Variants in ATP11A observed in about 807,000 individuals in gnomAD.
ATP11A encodes the protein ATPase phospholipid transporting 11A.
In ATP11A, 81 loss-of-function variants were observed where a neutral mutation model predicts 154.4. The observed-to-expected ratio is 0.52, with a 90% confidence interval of 0.44 to 0.63. ATP11A has a LOEUF of 0.63. ATP11A is among the 30% of genes least tolerant of loss of function. ATP11A has a pLI of 0.00. For synonymous variants in ATP11A, 623 were observed against 585.9 expected, an observed-to-expected ratio of 1.06 and a Z score of -0.91; for missense variants, 1,316 against 1,474.3, an observed-to-expected ratio of 0.89 and a Z score of 1.76.
intron 10 of ATP11A, 140 bp downstream of exon 10, chr13:112,824,565 A>G (rs1219895488): frequency 4.1e-6 from 3 of 728,462 alleles, no homozygotes; most frequent in East Asian, 5.4e-5. Context: ...CTGACCATTC[A>G]GATGGTCTTT....
At position 112,854,463 on chromosome 13, in the gene ATP11A, G is replaced by T; in HGVS notation, c.2176G>T (p.Val726Phe). ...KRIEEQSLHD[V>F]LFELSKTVLR... ...GATCGAGGAGCAGAGCCTGCACGAC[G>T]TCCTGTTCGAGCTGAGCAAGACGGT... Residue 726 changes from valine (V) to phenylalanine (F), a missense_variant, in exon 19 of 30, where the codon GTC (valine) becomes TTC (phenylalanine). By Grantham distance (50) the Val-to-Phe change is conservative. Around this residue, in one of 5 missense-constraint regions of ATP11A, gnomAD observed 876 missense variants for 1,006.8 expected, o/e 0.87. Coordinates refer to ENST00000375645, the MANE Select transcript of ATP11A (RefSeq NM_015205.3). 6.2e-7 allele frequency: 1 copy of T among 1,612,654 alleles called. No homozygotes were observed. Among genetic ancestry groups the T allele is most frequent in the South Asian group, 1.1e-5 (1 of 91,072 alleles).
intron 1 of ATP11A, among the ~76,000 whole-genome samples, chr13:112,781,912 C>T (rs1441355783): frequency 6.6e-6 from 1 of 152,126 alleles, no homozygotes; most frequent in African/African-American, 2.4e-5. Flanking sequence ...TGGGTGAGGC[C>T]GTCTAAGTGA....
At chr13:112,706,214 G>T (rs1212160737) in intron 1 of ATP11A, among the ~76,000 whole-genome samples, 2 of 152,166 alleles carry the variant, frequency 1.3e-5, no homozygotes, top group Non-Finnish European at 2.9e-5. Flanking sequence ...ATTGGCCATA[G>T]TAAAAGGTAA....
chr13:112,713,267 C>T (rs1307643192), intron 1 of ATP11A, among the ~76,000 whole-genome samples: 1 of 152,056 alleles, frequency 6.6e-6, no homozygotes, highest in Non-Finnish European at 1.5e-5. Flanking sequence ...TGGTGGTGGG[C>T]GCCTGTAATC....
chr13:112,839,223 C>T (rs2079325597), intron 16 of ATP11A, among the ~76,000 whole-genome samples: 2 of 151,976 alleles, frequency 1.3e-5, no homozygotes, highest in Admixed American at 1.3e-4. Context: ...TTACTGCACC[C>T]AAGGTATTAT....
At chr13:112,713,361 C>T (rs939356880) in intron 1 of ATP11A, among the ~76,000 whole-genome samples, 9 of 152,260 alleles carry the variant, frequency 5.9e-5, no homozygotes, top group Non-Finnish European at 1.0e-4. Flanking sequence ...TGCCATTGCA[C>T]TTTAGCCTGG....
In ATP11A at chr13:112,746,880, A is replaced by G. The variant is rs1458631987; in HGVS notation, c.40-38255A>G. The G allele has an allele frequency of 6.6e-6, 1 of 152,042 alleles. No individual in the cohort carries two copies. The highest frequency in any genetic ancestry group is 2.4e-5 in the African/African-American group (1 of 41,404). The allele number at this position is 152,042 out of a possible 1,614,324, so 9.4% of individuals were successfully genotyped here. A position where few individuals can be genotyped will look rare whatever the true frequency, so the allele number is the denominator to read the frequency against. ...GCCTCATTGTGGTTTTAATTTGAGCACTTTTCATCTCCTTATTAGACCTTC... is the reference window on the plus strand; with the variant it reads ...GCCTCATTGTGGTTTTAATTTGAGCGCTTTTCATCTCCTTATTAGACCTTC... On this transcript the variant is annotated intron_variant, in intron 1 of 29. Transcript: ENST00000375645. This position sits in a 1 kb window ranked among gnomAD's most constrained non-coding sequence, Gnocchi z 4.1.
At chr13:112,691,096 A>G (rs1318744197) in intron 1 of ATP11A, among the ~76,000 whole-genome samples, 1 of 152,178 alleles carries the variant, frequency 6.6e-6, no homozygotes, top group Non-Finnish European at 1.5e-5. Flanking sequence ...TCAGGAGGGA[A>G]GACTCGGAAG....
intron 16 of ATP11A, among the ~76,000 whole-genome samples, chr13:112,839,469 G>A (rs2079333219): frequency 6.6e-6 from 1 of 152,076 alleles, no homozygotes; most frequent in African/African-American, 2.4e-5. Context: ...GAGACACAGT[G>A]AAAGACCCCC....
In ATP11A at chr13:112,754,120, A is replaced by T. The variant is rs2076760470; in HGVS notation, c.40-31015A>T. On this transcript the variant is annotated intron_variant, in intron 1 of 29. Transcript: ENST00000375645. This position sits in a 1 kb window ranked among gnomAD's most constrained non-coding sequence, Gnocchi z 5.3. ...ACTCTCTTCAGCGCCTGGGGCCTTC[A>T]TCCTGAGCCGCAGTTGGAGCCACGG... is the stretch of plus-strand genomic sequence containing the variant. Among the ~76,000 whole-genome samples, 1 of 152,180 alleles carries T rather than the reference A, an allele frequency of 6.6e-6. No homozygotes were observed. Among genetic ancestry groups the T allele is most frequent in the African/African-American group, 2.4e-5 (1 of 41,442 alleles).
At chr13:112,767,008 A>C (rs188406347) in intron 1 of ATP11A, among the ~76,000 whole-genome samples, 1 of 1,508 alleles carries the variant, frequency 6.6e-4, no homozygotes, top group Non-Finnish European at 1.0e-3. Flanking sequence ...GTTGGGGGCC[A>C]CTGTGGGAAG....
At chr13:112,745,475 GTAA>G (rs1205073655) in intron 1 of ATP11A, 2 of 152,222 alleles carry the variant, frequency 1.3e-5, no homozygotes, top group African/African-American at 2.4e-5. Context: ...TATTCAGTTG[GTAA>G]TAATGTGAAT....
chr13:112,802,356 A>G (rs1021489498), intron 2 of ATP11A, among the ~76,000 whole-genome samples: 11 of 152,140 alleles, frequency 7.2e-5, no homozygotes, highest in Non-Finnish European at 1.3e-4. Flanking sequence ...ACAAAAAAAA[A>G]AGAAAAGAAT....
Position 112,690,398 on chromosome 13 carries a change from G to T in ATP11A, c.-19G>T, listed in dbSNP as rs967393267. 7 of 1,293,124 alleles carry T rather than the reference G, an allele frequency of 5.4e-6. No homozygotes were observed. Among genetic ancestry groups the T allele is most frequent in the Non-Finnish European group, 6.9e-6 (7 of 1,020,438 alleles). 80.1% of individuals were successfully genotyped at this position (1,293,124 alleles called of 1,614,324 possible). A position where few individuals can be genotyped will look rare whatever the true frequency, so the allele number is the denominator to read the frequency against. On this transcript the variant is annotated 5_prime_UTR_variant, in exon 1 of 30. Transcript: ENST00000375645. The surrounding 1 kb of genome is among the most constrained non-coding windows in gnomAD (Gnocchi z 5.6). Reference sequence around the variant, plus strand: ...GCGCGGGGGCGCTGAACGGCGGAGCGGGAGCGGCCGGAGGAGCCATGGACT... The same window carrying T: ...GCGCGGGGGCGCTGAACGGCGGAGCTGGAGCGGCCGGAGGAGCCATGGACT...
intron 1 of ATP11A, among the ~76,000 whole-genome samples, chr13:112,698,716 A>ATATT (rs1427283408): frequency 7.0e-6 from 1 of 142,384 alleles, no homozygotes; most frequent in African/African-American, 2.5e-5. Context: ...TTATTTATTT[A>ATATT]TCTTTATTTA....
intron 1 of ATP11A, among the ~76,000 whole-genome samples, chr13:112,761,329 AG>A (rs1320146454): frequency 2.0e-5 from 3 of 152,258 alleles, no homozygotes; most frequent in African/African-American, 7.2e-5. Context: ...TGGTACGCTC[AG>A]CAATCTCAGG....
chr13:112,731,309 T>C (rs1456686461), intron 1 of ATP11A, among the ~76,000 whole-genome samples: 2 of 140,138 alleles, frequency 1.4e-5, no homozygotes, highest in African/African-American at 3.3e-5. Context: ...AAGGGTTAGC[T>C]TTATTACTAA....
Position 112,810,676 on chromosome 13 carries a change from C to T in ATP11A, c.391C>T (p.His131Tyr). 6 of 1,614,168 alleles carry T rather than the reference C, an allele frequency of 3.7e-6. No individual in the cohort carries two copies. The highest frequency in any genetic ancestry group is 5.1e-6 in the Non-Finnish European group (6 of 1,180,034). Residue 131 changes from histidine (H) to tyrosine (Y), a missense_variant, in exon 5 of 30, where the codon CAT (histidine) becomes TAT (tyrosine). By Grantham distance (83) the His-to-Tyr change is moderately conservative. Transcript: ENST00000375645. Reference sequence around the variant, plus strand: ...CAATGCCATGAACCAGTGTCCTGTTCATTTCATTCAGCACGGCAAGCTCGT... The same window carrying T: ...CAATGCCATGAACCAGTGTCCTGTTTATTTCATTCAGCACGGCAAGCTCGT... ...ADNAMNQCPV[H>Y]FIQHGKLVRK...
At chr13:112,714,540 C>T (rs900141250) in intron 1 of ATP11A, among the ~76,000 whole-genome samples, 1 of 152,240 alleles carries the variant, frequency 6.6e-6, no homozygotes, top group Non-Finnish European at 1.5e-5. Context: ...CGTCTCCACT[C>T]CTGACCTGGA....
Sources: allele counts gnomAD v4.1 joint callset (sites outside exome capture counted in the v4.1 genomes callset), GRCh38; gene constraint gnomAD v4.1.1; regional missense constraint gnomAD v4.1.1; non-coding constraint Gnocchi (gnomAD v3.1); transcripts MANE v1.5; gene names NCBI Gene and HGNC (gene_info 2026-07-23, HGNC 2026-07-21).